Variants in ANKRD18B observed in about 807,000 individuals in gnomAD.
ANKRD18B encodes ankyrin repeat domain 18B, also known as ankyrin repeat domain-containing protein 18B.
ANKRD18B carries 75 observed loss-of-function variants against 111.8 expected under a neutral mutation model. The ratio of observed to expected loss-of-function variants is 0.67; its 90% CI spans 0.56 to 0.81. ANKRD18B has a LOEUF of 0.81. ANKRD18B is among the 40% of genes least tolerant of loss of function. The pLI is 0.00. For missense variants in ANKRD18B, 1,038 were observed against 1,225.5 expected (o/e 0.85, Z 2.28); for synonymous variants, 356 against 417.3 (o/e 0.85, Z 1.79).
chr9:33,540,968 CT>C (rs755812896), intron 8 of ANKRD18B, among the ~76,000 whole-genome samples, 178 bp from the exon 9 acceptor site: 4 of 152,048 alleles, frequency 2.6e-5, no homozygotes, highest in Non-Finnish European at 5.9e-5. Flanking sequence ...TTATTATTTA[CT>C]ATGTATTTAG....
At chr9:33,566,962 C>T in intron 15 of ANKRD18B, 141 bp from the exon 16 acceptor site, 1 of 756,556 alleles carries the variant, frequency 1.3e-6, no homozygotes, top group East Asian at 2.9e-5. Flanking sequence ...GTTGATATTG[C>T]TGATAAATAT....
At chr9:33,526,215 T>G (rs1242779660) in intron 1 of ANKRD18B, among the ~76,000 whole-genome samples, 1 of 152,176 alleles carries the variant, frequency 6.6e-6, no homozygotes, top group Non-Finnish European at 1.5e-5. Flanking sequence ...GTATATGCCC[T>G]TTACCCATCA....
chr9:33,528,900 G>T, intron 2 of ANKRD18B, 59 bp downstream of exon 2: 1 of 1,562,150 alleles, frequency 6.4e-7, no homozygotes, highest in Non-Finnish European at 8.7e-7. Flanking sequence ...GAATTAAAAT[G>T]AATTTGTCTC....
At chr9:33,551,863 A>G (rs1828451698) in intron 12 of ANKRD18B, among the ~76,000 whole-genome samples, 1 of 152,212 alleles carries the variant, frequency 6.6e-6, no homozygotes. Flanking sequence ...TCATTCATTC[A>G]GACCTGACAG....
rs571793882 is a variant in ANKRD18B, at chr9:33,528,770, G to T, written c.250G>T (p.Val84Phe). 1.2e-6 allele frequency: 2 copies of T among 1,613,366 alleles called. No homozygotes were observed. The change falls in exon 2 of 19, where the codon GTC (valine) becomes TTC (phenylalanine). Residue 84 changes from valine (V) to phenylalanine (F), a missense_variant. Around this residue, in one of 4 missense-constraint regions of ANKRD18B, gnomAD observed 216 missense variants for 205.1 expected, o/e 1.05. Transcript: ENST00000684830. ...LACAHGRVQVVTLLLDRKCQI... is the reference protein window; with the variant it reads ...LACAHGRVQVFTLLLDRKCQI... ...CTGTGCCCATGGCCGTGTGCAAGTG[G>T]TCACTCTCTTGCTGGACAGAAAATG... is the stretch of plus-strand genomic sequence containing the variant.
At chr9:33,549,690 A>G (rs1828419048) in intron 11 of ANKRD18B, among the ~76,000 whole-genome samples, 1 of 152,158 alleles carries the variant, frequency 6.6e-6, no homozygotes, top group African/African-American at 2.4e-5. Context: ...AAAATATGTC[A>G]GTCTCACATT....
At position 33,543,639 on chromosome 9, in the gene ANKRD18B, G is replaced by A. The variant is rs558367322; in HGVS notation, c.1149+384G>A. ...TCATGTGAAAGGAGTCATCATTCCC[G>A]GTGGTTCAAACTGCAATTTTATGTT... is the stretch of plus-strand genomic sequence containing the variant. On this transcript the variant is annotated intron_variant, in intron 10 of 18. Transcript: ENST00000684830. Among the ~76,000 whole-genome samples the A allele has an allele frequency of 8.5e-5, 13 of 152,218 alleles. No individual in the cohort carries two copies. The East Asian group carries it at 9.7e-4, about 11-fold the overall frequency.
chr9:33,574,499 A>G (rs1007830559), downstream of ANKRD18B: 17 of 152,668 alleles, frequency 1.1e-4, 1 homozygote, highest in African/African-American at 4.1e-4. Flanking sequence ...CTCCAACTTT[A>G]CACACGACCT....
intron 8 of ANKRD18B, among the ~76,000 whole-genome samples, chr9:33,540,892 T>C (rs1235534435): frequency 4.6e-5 from 7 of 152,206 alleles, no homozygotes; most frequent in Non-Finnish European, 8.8e-5. Flanking sequence ...TGGCCTGTAG[T>C]CTGCAGTGTG....
At chr9:33,566,779 A>G (rs1365227161) in intron 15 of ANKRD18B, among the ~76,000 whole-genome samples, 1 of 152,184 alleles carries the variant, frequency 6.6e-6, no homozygotes, top group Non-Finnish European at 1.5e-5. Context: ...ACTGTGATTT[A>G]GAAATTATAT....
At chr9:33,528,079 C>T (rs1431755873) in intron 1 of ANKRD18B, among the ~76,000 whole-genome samples, 1 of 152,082 alleles carries the variant, frequency 6.6e-6, no homozygotes, top group Non-Finnish European at 1.5e-5. Flanking sequence ...TGGGAAGTTC[C>T]CATGATGCTA....
At chr9:33,565,339 C>T (rs1015915355) in intron 14 of ANKRD18B, among the ~76,000 whole-genome samples, 1 of 152,126 alleles carries the variant, frequency 6.6e-6, no homozygotes, top group Non-Finnish European at 1.5e-5. Context: ...GGATTTGTTT[C>T]TGGGTGTTGT....
chr9:33,528,000 A>C (rs1828051135), intron 1 of ANKRD18B, among the ~76,000 whole-genome samples: 1 of 152,222 alleles, frequency 6.6e-6, no homozygotes, highest in Non-Finnish European at 1.5e-5. Flanking sequence ...AAATAGTAGT[A>C]ATATAATTAT....
rs1563910599 is a variant in ANKRD18B at position 33,572,141 on chromosome 9, A to G, written c.3224-175A>G. ...GAAAAAGCTGTGATATTTAACCACA[A>G]TTAGAATTAGTGCCATGTGTAAATG... On this transcript the variant is annotated intron_variant, in intron 18 of 18. Transcript: ENST00000684830. 8.4e-6 allele frequency: 5 copies of G among 598,742 alleles called. No homozygotes were observed. In the East Asian group the frequency reaches 1.5e-4, roughly 18 times the overall value. 37.1% of individuals were successfully genotyped at this position (598,742 alleles called of 1,614,324 possible).
At chr9:33,575,304 G>A (rs1176053015), downstream of ANKRD18B, among the ~76,000 whole-genome samples, 1 of 151,318 alleles carries the variant, frequency 6.6e-6, no homozygotes, top group Non-Finnish European at 1.5e-5. Context: ...CTTGGTGCCT[G>A]CATCTGACCC....
chr9:33,528,928 T>G (rs1183025186), intron 2 of ANKRD18B, 72 bp from the exon 3 acceptor site: 4 of 1,576,788 alleles, frequency 2.5e-6, no homozygotes, highest in Non-Finnish European at 3.4e-6. Flanking sequence ...TATAGCTAGT[T>G]GGTGAAACCT....
chr9:33,546,965 G>T (rs1027362527), intron 10 of ANKRD18B, among the ~76,000 whole-genome samples: 7 of 152,192 alleles, frequency 4.6e-5, no homozygotes, highest in Admixed American at 1.3e-4. Context: ...GCAAACTTTG[G>T]TTCCTCTATT....
At chr9:33,574,854 G>T (rs1349200230), downstream of ANKRD18B, among the ~76,000 whole-genome samples, 3 of 152,170 alleles carry the variant, frequency 2.0e-5, no homozygotes, top group African/African-American at 7.2e-5. Flanking sequence ...CTCCTGTTGT[G>T]GTGGGTTGTG....
rs1355749814 is a variant in ANKRD18B, at chr9:33,541,205, A to G, written c.1056A>G (p.Lys352=). The G allele has an allele frequency of 1.9e-5, 29 of 1,546,404 alleles. No homozygotes were observed. Among genetic ancestry groups the G allele is most frequent in the Non-Finnish European group, 2.5e-5 (29 of 1,145,840 alleles). The change falls in exon 9 of 19, where the codon AAA becomes AAG. Residue 352 remains lysine (K), a synonymous_variant. Coordinates refer to ENST00000684830, the MANE Select transcript of ANKRD18B (RefSeq NM_001393611.1). ...LKKRKKRKKL[K]KRKEGAKEHN... is the part of the protein sequence containing the mutation. ...AAAGAAAAAAAAGAAAAAAATTGAA[A>G]AAAAGAAAAGAAGGTGCAAAAGGTA...
Sources: allele counts gnomAD v4.1 joint callset (sites outside exome capture counted in the v4.1 genomes callset), GRCh38; gene constraint gnomAD v4.1.1; regional missense constraint gnomAD v4.1.1; transcripts MANE v1.5; gene names NCBI Gene and HGNC (gene_info 2026-07-23, HGNC 2026-07-21).